Variants in PRIM2 observed in about 807,000 individuals in gnomAD.
PRIM2 encodes DNA primase subunit 2.
PRIM2 carries 39 observed loss-of-function variants against 67.3 expected under a neutral mutation model. That is an observed-to-expected ratio of 0.58 (90% CI 0.45 to 0.76). The LOEUF (loss-of-function observed/expected upper bound fraction) is 0.76. Among genes scored for constraint, PRIM2 ranks in the 30% least tolerant of loss-of-function variants. PRIM2 has a pLI of 0.00. For synonymous variants in PRIM2, 143 were observed against 198.7 expected (o/e 0.72, Z 2.36); for missense variants, 398 against 598.7 (o/e 0.66, Z 3.50).
Position 57,631,695 on chromosome 6 carries a change from A to G in PRIM2, c.1231-438A>G, listed in dbSNP as rs1336797019. 1.4e-3 allele frequency among the ~76,000 whole-genome samples: 210 copies of G among 152,338 alleles called. 1 individual carries two copies. The highest frequency in any genetic ancestry group is 0.013 in the South Asian group (63 of 4,830). On this transcript the variant is annotated intron_variant, in intron 12 of 13. Coordinates refer to ENST00000615550, the MANE Select transcript of PRIM2 (RefSeq NM_000947.5). ...CAGCAGTATTTTATGCTGTATCTGT[A>G]TAAACCATTAACGTGGAAAATAAAT...
intron 10 of PRIM2, among the ~76,000 whole-genome samples, chr6:57,565,039 T>C (rs1775709011): frequency 6.6e-6 from 1 of 152,332 alleles, no homozygotes; most frequent in Admixed American, 6.5e-5. Context: ...AATTTTTTTC[T>C]TTATTCCTTT....
rs533877392 is a variant in PRIM2 at position 57,360,096 on chromosome 6, A to G, written c.460-19805A>G. Among the ~76,000 whole-genome samples the G allele has an allele frequency of 1.2e-4, 19 of 152,356 alleles. 1 individual carries two copies. The South Asian group carries it at 3.9e-3, about 32-fold the overall frequency. On this transcript the variant is annotated intron_variant, in intron 5 of 13. Transcript: ENST00000615550. ...GTTTGCCAAAATTTAAAGCAGACCA[A>G]GTTTAATGAGTGTACTTCATAGTAT...
intron 3 of PRIM2, among the ~76,000 whole-genome samples, chr6:57,323,767 G>T (rs1409455968): frequency 6.6e-6 from 1 of 150,746 alleles, no homozygotes; most frequent in Non-Finnish European, 1.5e-5. Context: ...ATGTATCCCA[G>T]AACTTAAAGT....
intron 12 of PRIM2, among the ~76,000 whole-genome samples, chr6:57,631,400 A>G (rs1777037221): frequency 6.6e-6 from 1 of 152,096 alleles, no homozygotes; most frequent in Non-Finnish European, 1.5e-5. Flanking sequence ...ACAAATTTCA[A>G]CTGGCATTGC....
chr6:57,585,525 T>C (rs1317721459), intron 10 of PRIM2, among the ~76,000 whole-genome samples: 19 of 152,196 alleles, frequency 1.2e-4, no homozygotes, highest in Middle Eastern at 3.4e-3. Context: ...AGTGGGGAGA[T>C]TGTGGTTAAG....
At chr6:57,571,466 A>G (rs1337015366) in intron 10 of PRIM2, among the ~76,000 whole-genome samples, 268 of 152,250 alleles carry the variant, frequency 1.8e-3, no homozygotes, top group African/African-American at 6.2e-3. Context: ...CCTGGCCAAC[A>G]TGGTGAGACC....
chr6:57,271,678 T>G, the PRIM2 span, among the ~76,000 whole-genome samples: 1 of 152,202 alleles, frequency 6.6e-6, no homozygotes, highest in Non-Finnish European at 1.5e-5. Flanking sequence ...GGCTTTTGAA[T>G]GTGTTTGCTC....
intron 8 of PRIM2, among the ~76,000 whole-genome samples, chr6:57,509,674 A>G (rs1774320835): frequency 6.6e-6 from 1 of 152,068 alleles, no homozygotes; most frequent in Non-Finnish European, 1.5e-5. Flanking sequence ...AATGCTGTGA[A>G]GTTCCTTCAA....
intron 11 of PRIM2, among the ~76,000 whole-genome samples, chr6:57,604,580 A>C (rs1776527297): frequency 6.6e-6 from 1 of 152,100 alleles, no homozygotes; most frequent in Admixed American, 6.5e-5. Flanking sequence ...TGGCCCATTC[A>C]GTATGATGTT....
chr6:57,322,786 CAT>C (rs1346702330), intron 3 of PRIM2, among the ~76,000 whole-genome samples: 2 of 152,158 alleles, frequency 1.3e-5, no homozygotes, highest in Non-Finnish European at 2.9e-5. Flanking sequence ...GGCAACACAA[CAT>C]GTGTATGCGG....
chr6:57,319,552 T>G (rs1767582424), intron 2 of PRIM2, among the ~76,000 whole-genome samples: 1 of 152,112 alleles, frequency 6.6e-6, no homozygotes, highest in African/African-American at 2.4e-5. Context: ...ATTAAGATGG[T>G]GATTGAAAAG....
In PRIM2 at chr6:57,541,973, G is replaced by GT. The variant is rs1161553496; in HGVS notation, c.1020+4368dup. 6.2e-3 allele frequency among the ~76,000 whole-genome samples: 716 copies of GT among 114,700 alleles called. 7 individuals carry two copies. The highest frequency in any genetic ancestry group is 0.016 in the South Asian group (60 of 3,770). 75.2% of individuals were successfully genotyped at this position (114,700 alleles called of 152,430 possible). ...AGAGCTGGGTGGTTGTTGTGTTTTG[G>GT]TTTTTTTTTTTTTTTTTTTTGAGAC... is the stretch of plus-strand genomic sequence containing the variant. On this transcript the variant is annotated intron_variant, in intron 10 of 13. Coordinates refer to ENST00000615550, the MANE Select transcript of PRIM2 (RefSeq NM_000947.5).
chr6:57,558,880 T>C (rs1165812606), intron 10 of PRIM2, among the ~76,000 whole-genome samples: 4 of 152,118 alleles, frequency 2.6e-5, no homozygotes, highest in South Asian at 4.2e-4. Context: ...ATAATCTCAG[T>C]GCTGTGGGTG....
the PRIM2 span, among the ~76,000 whole-genome samples, chr6:57,283,414 A>T: frequency 6.6e-6 from 1 of 151,796 alleles, no homozygotes; most frequent in Non-Finnish European, 1.5e-5. Flanking sequence ...CTCTGTTCCT[A>T]CTCCAGTTAC....
intron 7 of PRIM2, among the ~76,000 whole-genome samples, chr6:57,419,797 G>T (rs2127370875): frequency 6.6e-6 from 1 of 152,148 alleles, no homozygotes; most frequent in African/African-American, 2.4e-5. Context: ...AAAATGTCTT[G>T]CTAATGTAAG....
chr6:57,295,004 T>TC, the PRIM2 span, among the ~76,000 whole-genome samples: 24 of 152,138 alleles, frequency 1.6e-4, no homozygotes, highest in Non-Finnish European at 3.1e-4. Flanking sequence ...AGAAGGGGTT[T>TC]CATCATGTTG....
intron 7 of PRIM2, among the ~76,000 whole-genome samples, chr6:57,460,069 G>C (rs1383050887): frequency 1.3e-5 from 2 of 151,956 alleles, no homozygotes; most frequent in Admixed American, 1.3e-4. Context: ...TGCTTTTTCA[G>C]TACATTTGAT....
At chr6:57,377,440 A>G (rs1245781449) in intron 5 of PRIM2, among the ~76,000 whole-genome samples, 1 of 149,660 alleles carries the variant, frequency 6.7e-6, no homozygotes, top group South Asian at 2.1e-4. Context: ...TGTGTGGACT[A>G]TATTGAAGCT....
intron 12 of PRIM2, among the ~76,000 whole-genome samples, chr6:57,626,479 G>T (rs1196541094): frequency 6.6e-6 from 1 of 151,996 alleles, no homozygotes; most frequent in Admixed American, 6.5e-5. Context: ...CTGCAAAGAT[G>T]TCTTTGGTGA....
Sources: gnomAD v4.1 joint callset for allele counts (sites outside exome capture counted in the v4.1 genomes callset) on GRCh38, gnomAD v4.1.1 for gene constraint, MANE v1.5 for transcripts, NCBI Gene and HGNC (gene_info 2026-07-23, HGNC 2026-07-21) for gene names.